Variants in IL10RA observed in about 807,000 individuals in gnomAD.
IL10RA encodes the protein interleukin 10 receptor subunit alpha.
A neutral mutation model predicts 29.6 loss-of-function variants in IL10RA; 18 were observed. That is an observed-to-expected ratio of 0.61 (90% CI 0.42 to 0.90). IL10RA has a LOEUF of 0.90. IL10RA is among the 40% of genes least tolerant of loss of function. The pLI is 0.00. For synonymous variants in IL10RA, 292 were observed against 294.1 expected (o/e 0.99, Z 0.07); for missense variants, 634 against 716.6 (o/e 0.88, Z 1.32).
intron 3 of IL10RA, chr11:117,993,031 T>C: frequency 1.7e-6 from 1 of 577,352 alleles, no homozygotes; most frequent in South Asian, 2.0e-5. Flanking sequence ...CATATTCCAT[T>C]GGTTGATGCA....
chr11:117,994,119 A>T lies in IL10RA; in HGVS notation c.658A>T (p.Lys220Ter). ...ASRSNKGMWS[K>*]EECISLTRQY... ...CCGAAGTAACAAGGGGATGTGGTCT[A>T]AAGAGGAGTGCATCTCCCTCACCAG... The change falls in exon 5 of 7, where the codon AAA becomes TAA. Residue 220 changes from lysine to a stop codon, truncating the protein, a stop_gained. Coordinates refer to ENST00000227752, the MANE Select transcript of IL10RA (RefSeq NM_001558.4). LOFTEE classifies it high-confidence loss of function. 6.2e-7 allele frequency: 1 copy of T among 1,614,160 alleles called. No individual in the cohort carries two copies.
At position 117,993,243 on chromosome 11, in the gene IL10RA, A is replaced by G. The variant is rs1194252295; in HGVS notation, c.370A>G (p.Thr124Ala). The change falls in exon 4 of 7, where the codon ACT (threonine) becomes GCT (alanine). Residue 124 changes from threonine (T) to alanine (A), a missense_variant and splice_region_variant. By Grantham distance (58) the Thr-to-Ala change is moderately conservative. Coordinates refer to ENST00000227752, the MANE Select transcript of IL10RA (RefSeq NM_001558.4). ...CCCCCCACCCCAACTCCATTTAGTG[A>G]CTCTGACAGTTGGCAGTGTGAACCT... ...TNTRFSVDEV[T>A]LTVGSVNLEI... 9.3e-6 allele frequency: 15 copies of G among 1,613,512 alleles called. No individual in the cohort carries two copies. Among genetic ancestry groups the G allele is most frequent in the Non-Finnish European group, 1.2e-5 (14 of 1,179,780 alleles).
rs1423775080 is a variant in IL10RA, at chr11:117,989,939, A to T, written c.367+319A>T. 6.6e-6 allele frequency among the ~76,000 whole-genome samples: 1 copy of T among 152,120 alleles called. No homozygotes were observed. Among genetic ancestry groups the T allele is most frequent in the Non-Finnish European group, 1.5e-5 (1 of 68,020 alleles). Reference sequence around the variant, plus strand: ...GGGTTCAGGGAGAGGAAGCGAATCCATGAACACTCAGCATAGGGCAGCAAG... The same window carrying T: ...GGGTTCAGGGAGAGGAAGCGAATCCTTGAACACTCAGCATAGGGCAGCAAG... On this transcript the variant is annotated intron_variant, in intron 3 of 6. Coordinates refer to ENST00000227752, the MANE Select transcript of IL10RA (RefSeq NM_001558.4). This position sits in a 1 kb window ranked among gnomAD's most constrained non-coding sequence, Gnocchi z 4.5.
intron 1 of IL10RA, chr11:117,986,935 G>A (rs1314096721): frequency 1.1e-6 from 1 of 886,410 alleles, no homozygotes; most frequent in East Asian, 5.9e-5. Flanking sequence ...ACTAACCTCT[G>A]TCTGTCCTTC....
intron 6 of IL10RA, among the ~76,000 whole-genome samples, chr11:117,997,113 A>T (rs2134993771): frequency 6.6e-6 from 1 of 152,334 alleles, no homozygotes. Flanking sequence ...AGGGATTTCA[A>T]ATCAGGACAG....
At chr11:117,996,362 A>T (rs1479382393) in intron 6 of IL10RA, among the ~76,000 whole-genome samples, 3 of 152,162 alleles carry the variant, frequency 2.0e-5, no homozygotes, top group Non-Finnish European at 4.4e-5. Flanking sequence ...CTCTTGCTAC[A>T]TTGTACTGAC....
rs769608267 is a variant in IL10RA at position 117,993,257 on chromosome 11, C to T, written c.384C>T (p.Gly128=). 1.2e-6 allele frequency: 2 copies of T among 1,614,000 alleles called. No homozygotes were observed. Among genetic ancestry groups the T allele is most frequent in the South Asian group, 1.1e-5 (1 of 91,062 alleles). ...TCCATTTAGTGACTCTGACAGTTGGCAGTGTGAACCTAGAGATCCACAATG... is the reference window on the plus strand; with the variant it reads ...TCCATTTAGTGACTCTGACAGTTGGTAGTGTGAACCTAGAGATCCACAATG... ...FSVDEVTLTV[G]SVNLEIHNGF... The change falls in exon 4 of 7, where the codon GGC becomes GGT. Residue 128 remains glycine, a synonymous_variant. Transcript: ENST00000227752.
intron 3 of IL10RA, 77 bp from the exon 4 acceptor site, chr11:117,993,164 A>C (rs748342588): frequency 1.5e-4 from 201 of 1,361,166 alleles, no homozygotes; most frequent in Non-Finnish European, 2.0e-4. Flanking sequence ...TCTGGAGGCA[A>C]AGTCTCGGCG....
At position 117,995,823 on chromosome 11, in the gene IL10RA, T is replaced by G. The variant is rs187995071; in HGVS notation, c.810+113T>G. On this transcript the variant is annotated intron_variant, in intron 6 of 6. Transcript: ENST00000227752. ...GTCCATTGCCTTAGCTTGCCTCTGC[T>G]CTCAGCCCTGATGTGATTGGGAGAT... 9.6e-5 allele frequency: 110 copies of G among 1,146,396 alleles called. 1 individual carries two copies. In the African/African-American group the frequency reaches 1.5e-3, roughly 16 times the overall value. 71.0% of individuals were successfully genotyped at this position (1,146,396 alleles called of 1,614,324 possible).
downstream of IL10RA, chr11:118,001,789 A>G (rs1284847393): frequency 4.7e-6 from 1 of 212,464 alleles, no homozygotes; most frequent in Non-Finnish European, 9.6e-6. Context: ...GGTGCCAGGC[A>G]TGTGGTACTA....
chr11:117,987,046 C>G, intron 1 of IL10RA: 1 of 381,702 alleles, frequency 2.6e-6, no homozygotes, highest in Non-Finnish European at 5.2e-6. Context: ...CTCTCTCCTC[C>G]TAACCCAGCC....
chr11:117,997,623 G>A (rs903398553), intron 6 of IL10RA, among the ~76,000 whole-genome samples: 1 of 152,216 alleles, frequency 6.6e-6, no homozygotes, highest in Non-Finnish European at 1.5e-5. Flanking sequence ...GGCCTACTGT[G>A]TGCCAGCTCA....
Position 117,998,741 on chromosome 11 carries a change from CT to C in IL10RA, c.839del (p.Phe280SerfsTer23). The C allele has an allele frequency of 6.2e-7, 1 of 1,614,188 alleles. No homozygotes were observed. Among genetic ancestry groups the C allele is most frequent in the Non-Finnish European group, 8.5e-7 (1 of 1,180,038 alleles). The stretch of plus-strand genomic sequence containing the variant: ...TCTTCAAGAAGCCCAGCCCCTTCAT[CT>C]TCATCAGCCAGCGTCCCTCCCCAGA... ...LLFKKPSPFI[F>X]ISQRPSPETQ... On this transcript the variant is annotated frameshift_variant, in exon 7 of 7. Coordinates refer to ENST00000227752, the MANE Select transcript of IL10RA (RefSeq NM_001558.4). LOFTEE classifies it low-confidence loss of function (END_TRUNC).
chr11:117,999,471 T>C lies in IL10RA; in HGVS notation c.1567T>C (p.Trp523Arg). The change falls in exon 7 of 7, where the codon TGG becomes CGG. Residue 523 changes from tryptophan (W) to arginine (R), a missense_variant. Transcript: ENST00000227752. ...ACAGTGGAACCAGCCCACTGAGGAA[T>C]GGTCACTCCTGGCCTTGAGCAGCTG... ...TGQWNQPTEE[W>R]SLLALSSCSD... The C allele has an allele frequency of 6.2e-7, 1 of 1,614,208 alleles. No homozygotes were observed. Among genetic ancestry groups the C allele is most frequent in the Non-Finnish European group, 8.5e-7 (1 of 1,180,024 alleles).
At chr11:117,991,333 T>C (rs1180612340) in intron 3 of IL10RA, among the ~76,000 whole-genome samples, 1 of 152,270 alleles carries the variant, frequency 6.6e-6, no homozygotes, top group Non-Finnish European at 1.5e-5. Flanking sequence ...CATGTATACC[T>C]TGTGGAATGA....
In IL10RA at chr11:118,000,409, G is replaced by A. The variant is rs903551333; in HGVS notation, c.*768G>A. On this transcript the variant is annotated 3_prime_UTR_variant, in exon 7 of 7. Coordinates refer to ENST00000227752, the MANE Select transcript of IL10RA (RefSeq NM_001558.4). The stretch of plus-strand genomic sequence containing the variant: ...CCCCTGGGGCACTTGCTGAGGCCAA[G>A]CCACTCACATCCTCACTTTGCTGCC... 10 of 454,140 alleles carry A rather than the reference G, an allele frequency of 2.2e-5. No homozygotes were observed. The highest frequency in any genetic ancestry group is 2.0e-4 in the African/African-American group (10 of 50,006). The allele number at this position is 454,140 out of a possible 1,614,324, so 28.1% of individuals were successfully genotyped here.
intron 5 of IL10RA, 142 bp downstream of exon 5, chr11:117,994,291 A>G: frequency 1.5e-6 from 1 of 679,564 alleles, no homozygotes; most frequent in Non-Finnish European, 2.5e-6. Flanking sequence ...AATAGGAGAG[A>G]GGTCCTACTG....
rs550877434 is a variant in IL10RA at position 117,988,712 on chromosome 11, C to T, written c.188+210C>T. On this transcript the variant is annotated intron_variant, in intron 2 of 6. Coordinates refer to ENST00000227752, the MANE Select transcript of IL10RA (RefSeq NM_001558.4). ...GTGAAAAGGCCAGAGCCTTTGCTCA[C>T]TCCAGAGTAAGAAAAGCCTTGTGCC... is the stretch of plus-strand genomic sequence containing the variant. Among the ~76,000 whole-genome samples the T allele has an allele frequency of 3.3e-5, 5 of 152,278 alleles. No homozygotes were observed. The East Asian group carries it at 9.6e-4, about 29-fold the overall frequency.
chr11:117,999,708 C>G lies in IL10RA; in HGVS notation c.*67C>G. ...CCTCTGCCTGGACCAGGAGGAGGGC[C>G]CCTGGGGCAGAAGTTAGGCACGAGG... On this transcript the variant is annotated 3_prime_UTR_variant, in exon 7 of 7. Coordinates refer to ENST00000227752, the MANE Select transcript of IL10RA (RefSeq NM_001558.4). The G allele has an allele frequency of 2.1e-6, 3 of 1,437,948 alleles. No individual in the cohort carries two copies. Among genetic ancestry groups the G allele is most frequent in the Non-Finnish European group, 2.9e-6 (3 of 1,026,728 alleles). The allele number at this position is 1,437,948 out of a possible 1,614,324, so 89.1% of individuals were successfully genotyped here.
Sources: allele counts gnomAD v4.1 joint callset (sites outside exome capture counted in the v4.1 genomes callset), GRCh38; gene constraint gnomAD v4.1.1; non-coding constraint Gnocchi (gnomAD v3.1); transcripts MANE v1.5; gene names NCBI Gene and HGNC (gene_info 2026-07-23, HGNC 2026-07-21).